Variants in AUTS2 observed in about 807,000 individuals in gnomAD.
The protein encoded by AUTS2 is activator of transcription and developmental regulator AUTS2, also known as autism susceptibility gene 2 protein.
AUTS2 carries 17 observed loss-of-function variants against 112.4 expected under a neutral mutation model. The observed-to-expected ratio is 0.15, with a 90% CI of 0.10 to 0.23. The LOEUF (loss-of-function observed/expected upper bound fraction) is 0.23. Among genes scored for constraint, AUTS2 ranks in the 10% least tolerant of loss-of-function variants. The pLI, the probability that AUTS2 is intolerant of heterozygous loss-of-function variation, is 1.00. For synonymous variants in AUTS2, 751 were observed against 702.7 expected, an observed-to-expected ratio of 1.07 and a Z score of -1.09; for missense variants, 1,510 against 1,701.6, an observed-to-expected ratio of 0.89 and a Z score of 1.98.
intron 4 of AUTS2, among the ~76,000 whole-genome samples, chr7:70,399,718 G>A (rs977926901): frequency 4.0e-5 from 6 of 151,188 alleles, no homozygotes; most frequent in African/African-American, 7.3e-5. Flanking sequence ...TTAATTAAAC[G>A]ATATAATTGT....
At chr7:70,573,096 C>T (rs1056768561) in intron 5 of AUTS2, among the ~76,000 whole-genome samples, 1 of 33,358 alleles carries the variant, frequency 3.0e-5, no homozygotes, top group African/African-American at 9.4e-5. Context: ...AATTTATTAT[C>T]TGGTTTATTC....
intron 1 of AUTS2, among the ~76,000 whole-genome samples, chr7:69,609,750 A>C (rs567020803): frequency 2.0e-5 from 3 of 152,368 alleles, no homozygotes; most frequent in South Asian, 4.1e-4. Flanking sequence ...TAAAATATTA[A>C]ATCCACATGA....
chr7:69,617,890 G>A (rs1478489516), intron 1 of AUTS2, among the ~76,000 whole-genome samples: 2 of 152,088 alleles, frequency 1.3e-5, no homozygotes, highest in African/African-American at 4.8e-5. Context: ...GTGGGAAACG[G>A]CTTTGCCAGT....
chr7:69,869,432 T>G (rs1362502106), intron 1 of AUTS2, among the ~76,000 whole-genome samples: 5 of 152,026 alleles, frequency 3.3e-5, no homozygotes, highest in African/African-American at 1.2e-4. Context: ...ATTATCTAAA[T>G]ATTTTATATC....
chr7:70,605,546 C>CTTTTTTTTTTTTTTTTTTT, intron 5 of AUTS2, among the ~76,000 whole-genome samples: 44 of 70,662 alleles, frequency 6.2e-4, no homozygotes, highest in South Asian at 6.7e-4. Flanking sequence ...CCTTCTTTCT[C>CTTTTTTTTTTTTTTTTTTT]TTTTTTTTTT....
At chr7:70,541,901 G>A (rs1314064197) in intron 5 of AUTS2, among the ~76,000 whole-genome samples, 2 of 152,212 alleles carry the variant, frequency 1.3e-5, no homozygotes, top group African/African-American at 4.8e-5. Flanking sequence ...GTGACAAAAA[G>A]CACGGTGTCT....
At chr7:70,262,085 A>G (rs1362129958) in intron 4 of AUTS2, among the ~76,000 whole-genome samples, 1 of 152,252 alleles carries the variant, frequency 6.6e-6, no homozygotes, top group Non-Finnish European at 1.5e-5. Context: ...ACAAAAAGTT[A>G]TTTAATTATC....
chr7:70,638,037 T>C (rs2129539602), intron 5 of AUTS2, among the ~76,000 whole-genome samples: 1 of 152,132 alleles, frequency 6.6e-6, no homozygotes, highest in South Asian at 2.1e-4. Flanking sequence ...TGAGAGTCTA[T>C]AGAGTTGGAA....
At chr7:70,666,971 TTA>T (rs1807383635) in intron 5 of AUTS2, among the ~76,000 whole-genome samples, 1 of 86,914 alleles carries the variant, frequency 1.2e-5, no homozygotes, top group Admixed American at 1.3e-4. Flanking sequence ...TGCCGTCTTC[TTA>T]AAAAAAAAAA....
intron 2 of AUTS2, among the ~76,000 whole-genome samples, chr7:69,958,803 C>G (rs1017478541): frequency 6.6e-6 from 1 of 152,154 alleles, no homozygotes; most frequent in African/African-American, 2.4e-5. Context: ...ACATTTTTAA[C>G]AAGTCCTCAG....
chr7:70,387,840 G>C (rs796978456), intron 4 of AUTS2, among the ~76,000 whole-genome samples: 5 of 152,208 alleles, frequency 3.3e-5, no homozygotes, highest in African/African-American at 1.2e-4. Flanking sequence ...CAGACCATTC[G>C]ATCTCTGCTC....
intron 5 of AUTS2, among the ~76,000 whole-genome samples, chr7:70,531,560 T>C (rs1054045077): frequency 3.3e-5 from 5 of 152,132 alleles, no homozygotes; most frequent in Non-Finnish European, 7.3e-5. Context: ...GCATGTCATA[T>C]GGTGAGAGAC....
intron 1 of AUTS2, among the ~76,000 whole-genome samples, chr7:69,815,216 G>A (rs1340165323): frequency 6.6e-6 from 1 of 152,132 alleles, no homozygotes; most frequent in African/African-American, 2.4e-5. Flanking sequence ...TTTCTGAAAG[G>A]GAATGGGTGT....
At chr7:70,498,495 G>C (rs1585221059) in intron 5 of AUTS2, among the ~76,000 whole-genome samples, 1 of 152,136 alleles carries the variant, frequency 6.6e-6, no homozygotes, top group East Asian at 1.9e-4. Context: ...TTGAAAACAT[G>C]TCAGGGCCTG....
intron 2 of AUTS2, among the ~76,000 whole-genome samples, chr7:70,000,437 T>G (rs547991732): frequency 6.6e-6 from 1 of 152,326 alleles, no homozygotes; most frequent in East Asian, 1.9e-4. Flanking sequence ...TGTACAGTTG[T>G]ACAAATTAAA....
chr7:70,266,763 C>T (rs1787446487), intron 4 of AUTS2, among the ~76,000 whole-genome samples: 2 of 152,178 alleles, frequency 1.3e-5, no homozygotes, highest in Admixed American at 1.3e-4. Context: ...TTACTGAAAT[C>T]AGTGCCATTT....
intron 1 of AUTS2, among the ~76,000 whole-genome samples, chr7:69,637,533 T>A (rs1402781579): frequency 6.6e-6 from 1 of 152,236 alleles, no homozygotes; most frequent in Non-Finnish European, 1.5e-5. Context: ...TTTACTTATC[T>A]TGACTAATAT....
intron 1 of AUTS2, among the ~76,000 whole-genome samples, chr7:69,866,033 C>T (rs973479938): frequency 3.9e-5 from 6 of 152,058 alleles, no homozygotes; most frequent in African/African-American, 1.4e-4. Flanking sequence ...GTTATAAGTC[C>T]TTTCCTTTTC....
At chr7:69,669,593 A>G (rs1796221121) in intron 1 of AUTS2, among the ~76,000 whole-genome samples, 1 of 152,160 alleles carries the variant, frequency 6.6e-6, no homozygotes, top group Non-Finnish European at 1.5e-5. Context: ...TAAAATTTAA[A>G]TAGGCTAAAT....
Sources: allele counts gnomAD v4.1 joint callset (sites outside exome capture counted in the v4.1 genomes callset), GRCh38; gene constraint gnomAD v4.1.1; transcripts MANE v1.5; gene names NCBI Gene and HGNC (gene_info 2026-07-23, HGNC 2026-07-21).